Variants in NXPE2 observed in about 807,000 individuals in gnomAD.
The protein encoded by NXPE2 is NXPE family member 2.
NXPE2 carries 34 observed loss-of-function variants against 34.4 expected under a neutral mutation model. That is an observed-to-expected ratio of 0.99 (90% CI 0.75 to 1.31). The LOEUF is 1.31. NXPE2 is among the 40% of genes most tolerant of loss of function. NXPE2 has a pLI of 0.00. For missense variants in NXPE2, 649 were observed against 672.5 expected (o/e 0.97, Z 0.39); for synonymous variants, 235 against 231.3 (o/e 1.02, Z -0.15).
chr11:114,600,874 T>C, the NXPE2 span, among the ~76,000 whole-genome samples: 11 of 152,074 alleles, frequency 7.2e-5, no homozygotes, highest in African/African-American at 2.7e-4. Flanking sequence ...AATTCAAAAA[T>C]GTATTAAAAG....
the NXPE2 span, among the ~76,000 whole-genome samples, chr11:114,632,289 T>A: frequency 7.2e-6 from 1 of 138,338 alleles, no homozygotes; most frequent in Non-Finnish European, 1.5e-5. Context: ...TATATATGTA[T>A]ATTATCCACC....
the NXPE2 span, among the ~76,000 whole-genome samples, chr11:114,505,990 A>G: frequency 2.8e-4 from 43 of 152,276 alleles, no homozygotes; most frequent in Non-Finnish European, 5.1e-4. Flanking sequence ...CTCACATGCA[A>G]TGACACACAT....
the NXPE2 span, among the ~76,000 whole-genome samples, chr11:114,786,358 C>CA: frequency 2.9e-4 from 35 of 122,196 alleles, 1 homozygote; most frequent in Admixed American, 1.1e-3. Flanking sequence ...TCTTTCTACC[C>CA]CCGCCCCCCG....
At chr11:114,683,653 T>C (rs542741924) in intron 2 of NXPE2, among the ~76,000 whole-genome samples, 417 of 152,316 alleles carry the variant, frequency 2.7e-3, no homozygotes, top group African/African-American at 8.8e-3. Flanking sequence ...TCTCTTGAAC[T>C]CATGATCTGC....
chr11:114,504,317 A>C, the NXPE2 span, among the ~76,000 whole-genome samples: 1 of 152,068 alleles, frequency 6.6e-6, no homozygotes, highest in African/African-American at 2.4e-5. Flanking sequence ...CTATACCCTG[A>C]GTGATCACTC....
At chr11:114,665,325 A>G in the NXPE2 span, among the ~76,000 whole-genome samples, 2 of 152,172 alleles carry the variant, frequency 1.3e-5, no homozygotes, top group Non-Finnish European at 2.9e-5. Context: ...TGTCGTGGTT[A>G]TAAGCCCATC....
the NXPE2 span, among the ~76,000 whole-genome samples, chr11:114,668,840 CA>C: frequency 6.6e-6 from 1 of 152,006 alleles, no homozygotes; most frequent in Admixed American, 6.6e-5. Flanking sequence ...TGGACAAAAT[CA>C]TCAAAAACAA....
the NXPE2 span, among the ~76,000 whole-genome samples, chr11:114,739,281 T>C: frequency 3.7e-4 from 1 of 2,706 alleles, no homozygotes; most frequent in African/African-American, 7.9e-4. Context: ...TGCCATTATT[T>C]TCCTTCCTTC....
the NXPE2 span, among the ~76,000 whole-genome samples, chr11:114,626,410 G>C: frequency 6.6e-6 from 1 of 152,086 alleles, no homozygotes; most frequent in African/African-American, 2.4e-5. Flanking sequence ...CCCCCAACAG[G>C]GGCAGACTGA....
the NXPE2 span, chr11:114,595,805 A>C: frequency 6.6e-6 from 1 of 152,270 alleles, no homozygotes; most frequent in Non-Finnish European, 1.5e-5. Flanking sequence ...CGTCAGCTCC[A>C]CCTTAAGGAG....
the NXPE2 span, among the ~76,000 whole-genome samples, chr11:114,481,474 A>C: frequency 6.6e-6 from 1 of 152,188 alleles, no homozygotes. Context: ...TGAAGAGGGC[A>C]GATACTTTTA....
chr11:114,518,427 A>G, the NXPE2 span: 1 of 152,244 alleles, frequency 6.6e-6, no homozygotes, highest in Non-Finnish European at 1.5e-5. Context: ...GCTGCCAGCT[A>G]CCAGCCTCAG....
the NXPE2 span, among the ~76,000 whole-genome samples, chr11:114,550,189 A>G: frequency 6.6e-6 from 1 of 152,190 alleles, no homozygotes; most frequent in African/African-American, 2.4e-5. Flanking sequence ...TGTCCTAAAT[A>G]TCTTCTGGGT....
chr11:114,536,392 C>T, the NXPE2 span, among the ~76,000 whole-genome samples: 2 of 152,098 alleles, frequency 1.3e-5, no homozygotes, highest in African/African-American at 4.8e-5. Context: ...CAAGAGCAAA[C>T]ATATTCAAAA....
chr11:114,585,573 A>G, the NXPE2 span, among the ~76,000 whole-genome samples: 1 of 152,176 alleles, frequency 6.6e-6, no homozygotes, highest in East Asian at 1.9e-4. Flanking sequence ...ATTCATCAAG[A>G]GAAAATGACA....
the NXPE2 span, among the ~76,000 whole-genome samples, chr11:114,617,236 G>A: frequency 8.6e-5 from 13 of 151,990 alleles, no homozygotes; most frequent in South Asian, 2.1e-4. Flanking sequence ...ATATTTCCTC[G>A]TGGGTAACCA....
the NXPE2 span, among the ~76,000 whole-genome samples, chr11:114,544,467 A>G: frequency 4.6e-5 from 7 of 152,362 alleles, no homozygotes; most frequent in Non-Finnish European, 5.9e-5. Context: ...CACAAAGGCA[A>G]TTTGATGGAA....
chr11:114,797,486 G>A, the NXPE2 span, among the ~76,000 whole-genome samples: 8 of 152,106 alleles, frequency 5.3e-5, no homozygotes, highest in Non-Finnish European at 1.0e-4. Flanking sequence ...GCCAGGTCAC[G>A]AGGTCCTCAG....
the NXPE2 span, among the ~76,000 whole-genome samples, chr11:114,586,920 GT>G: frequency 1.9e-4 from 29 of 152,236 alleles, no homozygotes; most frequent in African/African-American, 5.8e-4. Flanking sequence ...TGGGATTGCC[GT>G]TTTTGTGATT....
Sources: allele counts gnomAD v4.1 joint callset (sites outside exome capture counted in the v4.1 genomes callset), GRCh38; gene constraint gnomAD v4.1.1; transcripts MANE v1.5; gene names NCBI Gene and HGNC (gene_info 2026-07-23, HGNC 2026-07-21).